ERBIN: variants seen among roughly 807,000 people sequenced by gnomAD.
ERBIN encodes densin-180-like protein.
In ERBIN, 60 loss-of-function variants were observed where a neutral mutation model predicts 158.4. The ratio of observed to expected loss-of-function variants is 0.38; its 90% CI spans 0.31 to 0.47. The LOEUF is 0.47. ERBIN is among the 20% of genes least tolerant of loss of function. The pLI is 0.99. For missense variants in ERBIN, 1,610 were observed against 1,648.0 expected (o/e 0.98, Z 0.40); for synonymous variants, 594 against 557.2 (o/e 1.07, Z -0.93).
chr5:66,024,267 T>C, intron 9 of ERBIN, 39 bp from the exon 10 acceptor site: 1 of 1,337,454 alleles, frequency 7.5e-7, no homozygotes, highest in East Asian at 2.4e-5. Context: ...AAATTACTAA[T>C]GTTAATAGAG....
chr5:66,029,805 G>A (rs1233781583), intron 14 of ERBIN, among the ~76,000 whole-genome samples: 4 of 151,940 alleles, frequency 2.6e-5, no homozygotes, highest in Admixed American at 6.6e-5. Context: ...GGGCCAGGAT[G>A]GTCTCGATCT....
chr5:65,939,990 G>GTC (rs1426226941), intron 1 of ERBIN, among the ~76,000 whole-genome samples: 1 of 149,482 alleles, frequency 6.7e-6, no homozygotes, highest in African/African-American at 2.5e-5. Flanking sequence ...AGTGAGGAGC[G>GTC]TCTCTGCCTG....
At position 66,054,164 on chromosome 5, in the gene ERBIN, A is replaced by G; in HGVS notation, c.2846A>G (p.Asn949Ser). The change falls in exon 21 of 26, where the codon AAT (asparagine) becomes AGT (serine). Residue 949 changes from asparagine (N) to serine (S), a missense_variant. Transcript: ENST00000284037. ...AAGGCAATTTTCAAGTTTGATTCAA[A>G]TCATAATCCCGAAGAGCCAAATATA... ...GTKAIFKFDS[N>S]HNPEEPNIIR... 6.2e-7 allele frequency: 1 copy of G among 1,614,164 alleles called. No homozygotes were observed. The highest frequency in any genetic ancestry group is 8.5e-7 in the Non-Finnish European group (1 of 1,180,038).
intron 15 of ERBIN, among the ~76,000 whole-genome samples, chr5:66,039,907 A>G (rs1757766627): frequency 6.6e-6 from 1 of 151,908 alleles, no homozygotes; most frequent in Non-Finnish European, 1.5e-5. Context: ...ACATCTAAAT[A>G]CAAGTCATCA....
chr5:66,070,823 CCT>C (rs1294575471), intron 21 of ERBIN, among the ~76,000 whole-genome samples: 1 of 152,082 alleles, frequency 6.6e-6, no homozygotes, highest in Non-Finnish European at 1.5e-5. Flanking sequence ...AATTCGAAAT[CCT>C]TAACTCTATA....
At chr5:65,953,943 G>T (rs1247312163) in intron 1 of ERBIN, among the ~76,000 whole-genome samples, 2 of 151,714 alleles carry the variant, frequency 1.3e-5, no homozygotes, top group African/African-American at 4.8e-5. Flanking sequence ...TATAGACCTG[G>T]ATTCTTTTTT....
chr5:65,977,688 G>C (rs1235381907), intron 1 of ERBIN, among the ~76,000 whole-genome samples: 1 of 151,682 alleles, frequency 6.6e-6, no homozygotes, highest in Non-Finnish European at 1.5e-5. Flanking sequence ...CAGCCAGGCA[G>C]AGGGGCTCCT....
chr5:66,079,482 C>A lies in ERBIN; in HGVS notation c.*952C>A, dbSNP rs1438261065. ...TAAGCAGCAAATGAAACAAAAATGG[C>A]CAGTTTTAAGATTGTGTTGCCTGTA... is the stretch of plus-strand genomic sequence containing the variant. On this transcript the variant is annotated 3_prime_UTR_variant, in exon 26 of 26. Coordinates refer to ENST00000284037, the MANE Select transcript of ERBIN (RefSeq NM_001253697.2). 6.6e-6 allele frequency: 1 copy of A among 152,084 alleles called. No individual in the cohort carries two copies. The highest frequency in any genetic ancestry group is 1.5e-5 in the Non-Finnish European group (1 of 67,964). 9.4% of individuals were successfully genotyped at this position (152,084 alleles called of 1,614,324 possible). A position where few individuals can be genotyped will look rare whatever the true frequency, so the allele number is the denominator to read the frequency against.
intron 13 of ERBIN, among the ~76,000 whole-genome samples, chr5:66,028,068 T>C (rs1378140234): frequency 1.3e-5 from 2 of 152,130 alleles, no homozygotes; most frequent in Non-Finnish European, 2.9e-5. Flanking sequence ...TGAAGAATTA[T>C]ATTTTTGAAA....
chr5:65,963,792 CTTTT>C (rs5868429), intron 1 of ERBIN, among the ~76,000 whole-genome samples: 4 of 122,972 alleles, frequency 3.3e-5, no homozygotes, highest in Admixed American at 8.0e-5. Flanking sequence ...TCTTTCTTTT[CTTTT>C]TTTTTTTTTT....
chr5:66,068,008 T>C (rs975337301), intron 21 of ERBIN, among the ~76,000 whole-genome samples: 4 of 152,066 alleles, frequency 2.6e-5, no homozygotes, highest in African/African-American at 9.7e-5. Flanking sequence ...TATTCTCTAA[T>C]GCAAGATATT....
intron 21 of ERBIN, among the ~76,000 whole-genome samples, chr5:66,061,174 G>T (rs1760255210): frequency 3.9e-5 from 6 of 152,164 alleles, no homozygotes; most frequent in Admixed American, 3.9e-4. Context: ...TATTGTGTGG[G>T]AGCCTAAGTC....
At chr5:65,940,116 G>C (rs1251275025) in intron 1 of ERBIN, among the ~76,000 whole-genome samples, 6 of 147,690 alleles carry the variant, frequency 4.1e-5, no homozygotes, top group Non-Finnish European at 7.5e-5. Flanking sequence ...GCCTCTTCCC[G>C]GCCGCCATCC....
chr5:66,067,539 T>C (rs2151288316), intron 21 of ERBIN, among the ~76,000 whole-genome samples: 1 of 152,312 alleles, frequency 6.6e-6, no homozygotes, highest in Non-Finnish European at 1.5e-5. Flanking sequence ...AGTGTGTTTA[T>C]TGAGGTACAT....
At chr5:66,042,758 C>G (rs1196820574) in intron 15 of ERBIN, among the ~76,000 whole-genome samples, 3 of 151,980 alleles carry the variant, frequency 2.0e-5, no homozygotes, top group Non-Finnish European at 2.9e-5. Flanking sequence ...TACCATAGCA[C>G]CTTTTAGAGC....
chr5:65,974,083 TA>T (rs1287537449), intron 1 of ERBIN, among the ~76,000 whole-genome samples: 1 of 151,006 alleles, frequency 6.6e-6, no homozygotes, highest in Non-Finnish European at 1.5e-5. Context: ...AAATAAAAAC[TA>T]AAAAAATAAC....
chr5:66,079,326 C>T lies in ERBIN; in HGVS notation c.*796C>T, dbSNP rs1326550434. 2.0e-5 allele frequency: 3 copies of T among 150,170 alleles called. No homozygotes were observed. The highest frequency in any genetic ancestry group is 4.4e-5 in the Non-Finnish European group (3 of 67,666). 9.3% of individuals were successfully genotyped at this position (150,170 alleles called of 1,614,324 possible). On this transcript the variant is annotated 3_prime_UTR_variant, in exon 26 of 26. Transcript: ENST00000284037. Reference sequence around the variant, plus strand: ...TAGTCACAGGAAATTTTTAACTCTACTGTAGATGCATGTCCATGCATTTTC... The same window carrying T: ...TAGTCACAGGAAATTTTTAACTCTATTGTAGATGCATGTCCATGCATTTTC...
At chr5:66,067,260 A>G (rs568547448) in intron 21 of ERBIN, among the ~76,000 whole-genome samples, 1 of 152,276 alleles carries the variant, frequency 6.6e-6, no homozygotes, top group Non-Finnish European at 1.5e-5. Flanking sequence ...GTACATGGTA[A>G]TTTTATAGAT....
Position 66,014,679 on chromosome 5 carries a change from C to A in ERBIN, c.487C>A (p.Leu163Ile). 2 of 1,422,136 alleles carry A rather than the reference C, an allele frequency of 1.4e-6. No homozygotes were observed. The highest frequency in any genetic ancestry group is 1.9e-6 in the Non-Finnish European group (2 of 1,046,800). 88.1% of individuals were successfully genotyped at this position (1,422,136 alleles called of 1,614,324 possible). A position where few individuals can be genotyped will look rare whatever the true frequency, so the allele number is the denominator to read the frequency against. The change falls in exon 7 of 26, where the codon CTC (leucine) becomes ATC (isoleucine). Residue 163 changes from leucine to isoleucine, a missense_variant. Coordinates refer to ENST00000284037, the MANE Select transcript of ERBIN (RefSeq NM_001253697.2). ...TTTTTTGTATTGCAGATTAACTAAACTCCAAATATTAGAGCTTAGAGAAAA... is the reference window on the plus strand; with the variant it reads ...TTTTTTGTATTGCAGATTAACTAAAATCCAAATATTAGAGCTTAGAGAAAA... ...LPANFGRLTKLQILELRENQL... is the reference protein window; with the variant it reads ...LPANFGRLTKIQILELRENQL...
Sources: gnomAD v4.1 joint callset for allele counts (sites outside exome capture counted in the v4.1 genomes callset) on GRCh38, gnomAD v4.1.1 for gene constraint, MANE v1.5 for transcripts, NCBI Gene and HGNC (gene_info 2026-07-23, HGNC 2026-07-21) for gene names.